TPCN2: variants seen among roughly 807,000 people sequenced by gnomAD.
TPCN2 encodes the protein two pore segment channel 2.
A neutral mutation model predicts 111.4 loss-of-function variants in TPCN2; 92 were observed. The observed-to-expected ratio is 0.83, with a 90% CI of 0.70 to 0.98. The LOEUF (loss-of-function observed/expected upper bound fraction) is 0.98, where lower values mean the gene tolerates loss of function less well. Ranked by LOEUF, TPCN2 falls within the 50% of genes least tolerant of loss-of-function variation. The pLI is 0.00. For synonymous variants in TPCN2, 405 were observed against 414.5 expected (o/e 0.98, Z 0.28); for missense variants, 995 against 980.1 (o/e 1.02, Z -0.20).
At chr11:69,081,256 C>T in intron 17 of TPCN2, 144 bp from the exon 18 acceptor site, 1 of 578,968 alleles carries the variant, frequency 1.7e-6, no homozygotes. Context: ...AGAGGCTTTT[C>T]TGCTCGGTGT....
intron 17 of TPCN2, among the ~76,000 whole-genome samples, chr11:69,080,629 C>T (rs898665971): frequency 6.6e-6 from 1 of 152,202 alleles, no homozygotes; most frequent in African/African-American, 2.4e-5. Flanking sequence ...ATCCACCCCA[C>T]TGCCTAGGGA....
chr11:69,054,390 G>A, intron 2 of TPCN2: 1 of 571,840 alleles, frequency 1.7e-6, no homozygotes, highest in East Asian at 2.9e-5. Flanking sequence ...CAGCTGCACG[G>A]GGCGTGGGAG....
Position 69,054,024 on chromosome 11 carries a change from T to C in TPCN2, c.110-9T>C. The C allele has an allele frequency of 6.2e-7, 1 of 1,613,456 alleles. No homozygotes were observed. Among genetic ancestry groups the C allele is most frequent in the African/African-American group, 1.3e-5 (1 of 75,054 alleles). On this transcript the variant is annotated splice_polypyrimidine_tract_variant and intron_variant, in intron 1 of 24. Transcript: ENST00000294309. ...GCTCGGTCACCTGATGTGTCCCCTCTGCCTGCAGGTGCCGCGGCCAGGTGG... is the reference window on the plus strand; with the variant it reads ...GCTCGGTCACCTGATGTGTCCCCTCCGCCTGCAGGTGCCGCGGCCAGGTGG...
chr11:69,081,204 G>A (rs928922822), intron 17 of TPCN2, among the ~76,000 whole-genome samples, 196 bp from the exon 18 acceptor site: 49 of 152,080 alleles, frequency 3.2e-4, no homozygotes, highest in African/African-American at 1.0e-3. Flanking sequence ...AGGTGGAAGC[G>A]GAGCAGTGAG....
At chr11:69,085,816 C>A in intron 21 of TPCN2, 32 bp from the exon 22 acceptor site, 1 of 1,613,032 alleles carries the variant, frequency 6.2e-7, no homozygotes, top group South Asian at 1.1e-5. Flanking sequence ...ACCTCCTGGG[C>A]CCTCCTGGAC....
intron 16 of TPCN2, chr11:69,079,387 G>T (rs1457938697): frequency 6.6e-6 from 2 of 303,350 alleles, no homozygotes; most frequent in Non-Finnish European, 1.2e-5. Flanking sequence ...GGGGCCAGGG[G>T]GCTCTCAGGC....
Position 69,090,364 on chromosome 11 carries a change from C to T in TPCN2, c.*2411C>T, listed in dbSNP as rs1856396119. ...AGTTTTCCTGCATGTCCCCAGCCTC[C>T]CATCACTGCCACCCACTCCCCACAG... is the stretch of plus-strand genomic sequence containing the variant. On this transcript the variant is annotated 3_prime_UTR_variant, in exon 25 of 25. Coordinates refer to ENST00000294309, the MANE Select transcript of TPCN2 (RefSeq NM_139075.4). 1 of 152,214 alleles carries T rather than the reference C, an allele frequency of 6.6e-6. No individual in the cohort carries two copies. The highest frequency in any genetic ancestry group is 2.4e-5 in the African/African-American group (1 of 41,410). 9.4% of individuals were successfully genotyped at this position (152,214 alleles called of 1,614,324 possible).
At chr11:69,051,295 G>A (rs1049522740) in intron 1 of TPCN2, among the ~76,000 whole-genome samples, 8 of 152,252 alleles carry the variant, frequency 5.3e-5, no homozygotes, top group African/African-American at 7.2e-5. Context: ...CACTTTTACT[G>A]GTTATCAAAC....
chr11:69,073,052 C>T lies in TPCN2; in HGVS notation c.1230+51C>T, dbSNP rs760297127. The T allele has an allele frequency of 2.9e-6, 4 of 1,370,986 alleles. No individual in the cohort carries two copies. In the South Asian group the frequency reaches 3.5e-5, roughly 12 times the overall value. 84.9% of individuals were successfully genotyped at this position (1,370,986 alleles called of 1,614,324 possible). On this transcript the variant is annotated intron_variant, in intron 13 of 24. Transcript: ENST00000294309. Reference sequence around the variant, plus strand: ...GTGGATAGTGGGGGCCTTCCAGTTTCCCCTGCCCTTGATCACCTGGGGAAC... The same window carrying T: ...GTGGATAGTGGGGGCCTTCCAGTTTTCCCTGCCCTTGATCACCTGGGGAAC...
At chr11:69,071,474 G>C (rs1053806184) in intron 10 of TPCN2, 54 bp downstream of exon 10, 2 of 1,537,448 alleles carry the variant, frequency 1.3e-6, no homozygotes, top group Non-Finnish European at 1.8e-6. Context: ...AGGCCAAGCA[G>C]GGTGTGGCTT....
Position 69,052,803 on chromosome 11 carries a change from T to A in TPCN2, c.110-1230T>A, listed in dbSNP as rs114825580. 3.7e-3 allele frequency among the ~76,000 whole-genome samples: 556 copies of A among 152,312 alleles called. 4 individuals carry two copies. The highest frequency in any genetic ancestry group is 0.012 in the African/African-American group (512 of 41,562). ...CAGCACCTCCTGAGGCCTCTGCTGC[T>A]GCCTCCCATGTCACCACATTGTCTT... On this transcript the variant is annotated intron_variant, in intron 1 of 24. Coordinates refer to ENST00000294309, the MANE Select transcript of TPCN2 (RefSeq NM_139075.4).
intron 8 of TPCN2, among the ~76,000 whole-genome samples, chr11:69,069,984 C>G (rs1855448189): frequency 6.6e-6 from 1 of 151,964 alleles, no homozygotes; most frequent in South Asian, 2.1e-4. Context: ...CCCAGGAGAC[C>G]TCCTTTCTTT....
rs1856385758 is a variant in TPCN2 at position 69,089,791 on chromosome 11, C to T, written c.*1838C>T. On this transcript the variant is annotated 3_prime_UTR_variant, in exon 25 of 25. Coordinates refer to ENST00000294309, the MANE Select transcript of TPCN2 (RefSeq NM_139075.4). ...ACTGCCTTTACTTTTTCCTTCCTTC[C>T]TTGCTCCCACCTGTGTGGATCCTGG... The T allele has an allele frequency of 6.6e-6, 1 of 152,306 alleles. No homozygotes were observed. The highest frequency in any genetic ancestry group is 1.5e-5 in the Non-Finnish European group (1 of 68,094). 9.4% of individuals were successfully genotyped at this position (152,306 alleles called of 1,614,324 possible).
chr11:69,063,650 C>A (rs1357286011), intron 6 of TPCN2, among the ~76,000 whole-genome samples: 1 of 152,120 alleles, frequency 6.6e-6, no homozygotes, highest in Admixed American at 6.5e-5. Flanking sequence ...TCAGCTGGGC[C>A]CCCAGGGTTT....
intron 4 of TPCN2, 63 bp from the exon 5 acceptor site, chr11:69,057,515 T>C: frequency 1.3e-6 from 2 of 1,486,692 alleles, no homozygotes; most frequent in South Asian, 2.3e-5. Flanking sequence ...CGCACCGTCA[T>C]TCTCTGGCTG....
chr11:69,057,038 A>G (rs1854803506), intron 4 of TPCN2, among the ~76,000 whole-genome samples: 1 of 151,062 alleles, frequency 6.6e-6, no homozygotes, highest in Admixed American at 6.6e-5. Flanking sequence ...GGGTTTCACC[A>G]TGTTGGCAAG....
chr11:69,076,831 G>A (rs111200391), intron 13 of TPCN2, among the ~76,000 whole-genome samples: 6,352 of 18,502 alleles, frequency 0.34, 857 homozygotes, highest in Non-Finnish European at 0.4. Context: ...TCCTGCCCTC[G>A]TGCCATGTCC....
intron 7 of TPCN2, among the ~76,000 whole-genome samples, chr11:69,065,709 T>C (rs1855244741): frequency 6.6e-6 from 1 of 152,226 alleles, no homozygotes; most frequent in African/African-American, 2.4e-5. Flanking sequence ...TGTCCTCTGC[T>C]GGCTTTGCTC....
chr11:69,070,409 G>C (rs368573466), intron 8 of TPCN2, 21 bp from the exon 9 acceptor site: 2 of 1,600,650 alleles, frequency 1.2e-6, no homozygotes, highest in Non-Finnish European at 1.7e-6. Flanking sequence ...GTCAGTTTCT[G>C]TTATTTCTTT....
Sources: gnomAD v4.1 joint callset for allele counts (sites outside exome capture counted in the v4.1 genomes callset) on GRCh38, gnomAD v4.1.1 for gene constraint, MANE v1.5 for transcripts, NCBI Gene and HGNC (gene_info 2026-07-23, HGNC 2026-07-21) for gene names.